The following USP4 variants were observed in gnomAD, a reference collection of about 807,000 sequenced individuals.
The protein encoded by USP4 is ubiquitin specific peptidase 4, also known as ubiquitin carboxyl-terminal hydrolase 4.
In USP4, 72 loss-of-function variants were observed where a neutral mutation model predicts 118.2. That is an observed-to-expected ratio of 0.61 (90% CI 0.50 to 0.74). USP4 has a LOEUF of 0.74. Ranked by LOEUF, USP4 falls within the 30% of genes least tolerant of loss-of-function variation. USP4 has a pLI of 0.00. For missense variants in USP4, 1,037 were observed against 1,185.7 expected, an observed-to-expected ratio of 0.87 and a Z score of 1.84; for synonymous variants, 415 against 440.4, an observed-to-expected ratio of 0.94 and a Z score of 0.72.
In USP4 at chr3:49,278,145, T is replaced by C; in HGVS notation, c.*148A>G. The C allele has an allele frequency of 7.7e-6, 6 of 781,340 alleles. No homozygotes were observed. The highest frequency in any genetic ancestry group is 9.1e-6 in the Non-Finnish European group (5 of 551,858). 48.4% of individuals were successfully genotyped at this position (781,340 alleles called of 1,614,324 possible). ...CTTCTTCTAGGTAAACGGTCTTCTT[T>C]TTTTTTTTTTGTTTCCTTCTGCTCA... On this transcript the variant is annotated 3_prime_UTR_variant, in exon 22 of 22. Coordinates refer to ENST00000265560, the MANE Select transcript of USP4 (RefSeq NM_003363.4).
In USP4 at chr3:49,324,991, C is replaced by T. The variant is rs138851995; in HGVS notation, c.536G>A (p.Arg179His). ...MRKLFNIPAE[R>H]ETRLWNKYMS... ...GTATTTGTTCCAGAGCCGTGTTTCA[C>T]GCTCCGCAGGGATGTTGAATAGCTT... is the stretch of plus-strand genomic sequence containing the variant. The change falls in exon 5 of 22, where the codon CGT (arginine) becomes CAT (histidine). Residue 179 changes from arginine (R) to histidine (H), a missense_variant. By Grantham distance (29) the Arg-to-His change is conservative (BLOSUM62 0). This residue lies in a region of USP4 where 487 missense variants were observed against 534.1 expected (regional missense o/e 0.91). Coordinates refer to ENST00000265560, the MANE Select transcript of USP4 (RefSeq NM_003363.4). The T allele has an allele frequency of 3.2e-5, 51 of 1,613,988 alleles. No homozygotes were observed. The East Asian group carries it at 3.6e-4, about 11-fold the overall frequency.
Position 49,298,416 on chromosome 3 carries a change from T to C in USP4, c.1596+136A>G, listed in dbSNP as rs1575606297. ...CACAATGTGCATAGTGAGTGAGGCA[T>C]CCAGACACACACAAATAATCACATT... is the stretch of plus-strand genomic sequence containing the variant. On this transcript the variant is annotated intron_variant, in intron 12 of 21. Coordinates refer to ENST00000265560, the MANE Select transcript of USP4 (RefSeq NM_003363.4). 7 of 794,890 alleles carry C rather than the reference T, an allele frequency of 8.8e-6. No homozygotes were observed. In the East Asian group the frequency reaches 1.7e-4, roughly 20 times the overall value. The allele number at this position is 794,890 out of a possible 1,614,324, so 49.2% of individuals were successfully genotyped here. A position where few individuals can be genotyped will look rare whatever the true frequency, so the allele number is the denominator to read the frequency against.
At chr3:49,337,276 CA>C (rs887279909) in intron 1 of USP4, among the ~76,000 whole-genome samples, 148 of 128,658 alleles carry the variant, frequency 1.2e-3, no homozygotes, top group East Asian at 2.5e-3. Flanking sequence ...AAAACCCTGT[CA>C]AAAAAAAAAA....
intron 2 of USP4, 101 bp from the exon 3 acceptor site, chr3:49,327,917 A>G: frequency 8.3e-7 from 1 of 1,210,302 alleles, no homozygotes; most frequent in South Asian, 1.5e-5. Flanking sequence ...AATTATTTAC[A>G]GAAAGAAACA....
chr3:49,284,720 G>T (rs1350233499), intron 17 of USP4, 129 bp downstream of exon 17: 12 of 1,239,766 alleles, frequency 9.7e-6, no homozygotes, highest in Non-Finnish European at 1.3e-5. Context: ...ACAAAATCTT[G>T]AAGTGCTTTT....
chr3:49,299,212 C>G (rs1254492052), intron 11 of USP4, among the ~76,000 whole-genome samples: 2 of 152,074 alleles, frequency 1.3e-5, no homozygotes, highest in Non-Finnish European at 2.9e-5. Flanking sequence ...GCCTCAGCCT[C>G]CTGAGTAGCT....
chr3:49,309,807 A>G (rs2047362992), intron 8 of USP4, among the ~76,000 whole-genome samples: 1 of 150,232 alleles, frequency 6.7e-6, no homozygotes. Flanking sequence ...TTGTATTTTT[A>G]GTAGAGATGG....
Position 49,311,765 on chromosome 3 carries a change from T to A in USP4, c.696-111A>T. 5 of 1,448,684 alleles carry A rather than the reference T, an allele frequency of 3.5e-6. No individual in the cohort carries two copies. In the Admixed American group the frequency reaches 1.0e-4, roughly 30 times the overall value. 89.7% of individuals were successfully genotyped at this position (1,448,684 alleles called of 1,614,324 possible). A position where few individuals can be genotyped will look rare whatever the true frequency, so the allele number is the denominator to read the frequency against. On this transcript the variant is annotated intron_variant, in intron 6 of 21. Transcript: ENST00000265560. ...AAATATTCTTCATATTAAGTTAAAATAAATTACAAAAAGCCTGTATTCATA... is the reference window on the plus strand; with the variant it reads ...AAATATTCTTCATATTAAGTTAAAAAAAATTACAAAAAGCCTGTATTCATA...
In USP4 at chr3:49,280,803, G is replaced by A. The variant is rs148366584; in HGVS notation, c.2585C>T (p.Pro862Leu). 8 of 1,614,158 alleles carry A rather than the reference G, an allele frequency of 5.0e-6. No individual in the cohort carries two copies. In the African/African-American group the frequency reaches 9.3e-5, roughly 19 times the overall value. ...CACGGCAATGAGGTCGTACACATAAGGCCTTGCTGACAGGTTACAGACAAA... is the reference window on the plus strand; with the variant it reads ...CACGGCAATGAGGTCGTACACATAAAGCCTTGCTGACAGGTTACAGACAAA... ...SEFVCNLSAR[P>L]YVYDLIAVSN... The change falls in exon 20 of 22, where the codon CCT (proline) becomes CTT (leucine). Residue 862 changes from proline to leucine, a missense_variant. By Grantham distance (98) the Pro-to-Leu change is moderately conservative. Around this residue, in one of 3 missense-constraint regions of USP4, gnomAD observed 522 missense variants for 592.6 expected, o/e 0.88. Coordinates refer to ENST00000265560, the MANE Select transcript of USP4 (RefSeq NM_003363.4).
rs773669515 is a variant in USP4 at position 49,309,943 on chromosome 3, C to CTTTTT, written c.954+672_954+676dup. On this transcript the variant is annotated intron_variant, in intron 8 of 21. Transcript: ENST00000265560. ...TGCTGCCCCCGGACTTTTTTTTAATCTTTTTTTTTTTTTTTTTTTTTTTGA... is the reference window on the plus strand; with the variant it reads ...TGCTGCCCCCGGACTTTTTTTTAATCTTTTTTTTTTTTTTTTTTTTTTTTTTTTGA... 2.5e-4 allele frequency among the ~76,000 whole-genome samples: 10 copies of CTTTTT among 40,228 alleles called. 1 individual carries two copies. The highest frequency in any genetic ancestry group is 7.7e-4 in the East Asian group (1 of 1,300). 26.4% of individuals were successfully genotyped at this position (40,228 alleles called of 152,430 possible). A position where few individuals can be genotyped will look rare whatever the true frequency, so the allele number is the denominator to read the frequency against.
intron 1 of USP4, among the ~76,000 whole-genome samples, chr3:49,339,357 G>C (rs1161736817): frequency 7.2e-5 from 11 of 152,066 alleles, no homozygotes; most frequent in Admixed American, 5.2e-4. Context: ...CTAGCTCCAG[G>C]ACCTAGGCTA....
At chr3:49,312,850 G>C (rs1354784815) in intron 6 of USP4, 1 of 148,956 alleles carries the variant, frequency 6.7e-6, no homozygotes, top group African/African-American at 2.5e-5. Flanking sequence ...ATCCTGGTTT[G>C]ATTTACAAAT....
chr3:49,287,378 G>A (rs1263338742), intron 15 of USP4, among the ~76,000 whole-genome samples: 1 of 151,684 alleles, frequency 6.6e-6, no homozygotes, highest in Non-Finnish European at 1.5e-5. Context: ...ATGGTCTCTA[G>A]CTCCTGACCT....
At position 49,294,324 on chromosome 3, in the gene USP4, A is replaced by G. The variant is rs905309204; in HGVS notation, c.1883+83T>C. ...AGAGGTGAGCATGTAGGATCAACACAGCCACTTGGCAGGAGTTGCCACTAC... is the reference window on the plus strand; with the variant it reads ...AGAGGTGAGCATGTAGGATCAACACGGCCACTTGGCAGGAGTTGCCACTAC... On this transcript the variant is annotated intron_variant, in intron 14 of 21. Coordinates refer to ENST00000265560, the MANE Select transcript of USP4 (RefSeq NM_003363.4). 6 of 1,429,980 alleles carry G rather than the reference A, an allele frequency of 4.2e-6. No homozygotes were observed. In the African/African-American group the frequency reaches 8.5e-5, roughly 20 times the overall value. 88.6% of individuals were successfully genotyped at this position (1,429,980 alleles called of 1,614,324 possible). A position where few individuals can be genotyped will look rare whatever the true frequency, so the allele number is the denominator to read the frequency against.
chr3:49,285,739 C>T (rs890107087), intron 16 of USP4, among the ~76,000 whole-genome samples: 7 of 152,120 alleles, frequency 4.6e-5, no homozygotes, highest in African/African-American at 1.4e-4. Context: ...GGGTACATTT[C>T]GTGAGTATTA....
intron 6 of USP4, among the ~76,000 whole-genome samples, chr3:49,314,627 A>G (rs2047417552): frequency 6.6e-6 from 1 of 152,230 alleles, no homozygotes; most frequent in Non-Finnish European, 1.5e-5. Flanking sequence ...AAGACAGAAT[A>G]CTGAAATTCA....
intron 1 of USP4, among the ~76,000 whole-genome samples, chr3:49,338,963 T>C (rs1430042093): frequency 6.6e-6 from 1 of 152,058 alleles, no homozygotes; most frequent in Non-Finnish European, 1.5e-5. Flanking sequence ...CTACCCAACA[T>C]GGTGAAACCC....
rs770944765 is a variant in USP4, at chr3:49,300,565, C to G, written c.1414G>C (p.Asp472His). Residue 472 changes from aspartate to histidine, a missense_variant, in exon 11 of 22, where the codon GAC becomes CAC. This residue lies in a region of USP4 where 28 missense variants were observed against 59.0 expected (regional missense o/e 0.47). Transcript: ENST00000265560. ...GGCAGCGTTAGATAGCAAAATGGGTCAAAGGTCACAGAAACCTTAGCACAT... is the reference window on the plus strand; with the variant it reads ...GGCAGCGTTAGATAGCAAAATGGGTGAAAGGTCACAGAAACCTTAGCACAT... ...PECAKVSVTFDPFCYLTLPLP... is the reference protein window; with the variant it reads ...PECAKVSVTFHPFCYLTLPLP... The G allele has an allele frequency of 3.7e-6, 6 of 1,614,174 alleles. No individual in the cohort carries two copies. The highest frequency in any genetic ancestry group is 4.2e-6 in the Non-Finnish European group (5 of 1,180,032).
intron 15 of USP4, among the ~76,000 whole-genome samples, chr3:49,288,181 CT>C (rs1228987361): frequency 3.9e-5 from 6 of 152,188 alleles, no homozygotes; most frequent in African/African-American, 1.2e-4. Context: ...GCCTGTCCCC[CT>C]CCTACACTGG....
Sources: allele counts gnomAD v4.1 joint callset (sites outside exome capture counted in the v4.1 genomes callset), GRCh38; gene constraint gnomAD v4.1.1; regional missense constraint gnomAD v4.1.1; transcripts MANE v1.5; gene names NCBI Gene and HGNC (gene_info 2026-07-23, HGNC 2026-07-21).